ARHGAP8: variants seen among roughly 807,000 people sequenced by gnomAD.
ARHGAP8 encodes the protein Rho GTPase activating protein 8.
ARHGAP8 carries 62 observed loss-of-function variants against 46.1 expected under a neutral mutation model. That is an observed-to-expected ratio of 1.34 (90% confidence interval 1.10 to 1.66). The LOEUF is 1.66. Among genes scored for constraint, ARHGAP8 ranks in the 40% most tolerant of loss-of-function variants. ARHGAP8 has a pLI of 0.00. For missense variants in ARHGAP8, 923 were observed against 568.4 expected, an observed-to-expected ratio of 1.62 and a Z score of -6.34; for synonymous variants, 375 against 243.1, an observed-to-expected ratio of 1.54 and a Z score of -5.05.
chr22:44,852,326 C>A (rs1251160098), intron 10 of ARHGAP8, among the ~76,000 whole-genome samples: 1 of 151,570 alleles, frequency 6.6e-6, no homozygotes, highest in African/African-American at 2.4e-5. Context: ...TTCCTTTTGT[C>A]ATTCCGCCGT....
intron 7 of ARHGAP8, among the ~76,000 whole-genome samples, chr22:44,835,544 C>T (rs187373371): frequency 5.3e-5 from 8 of 152,264 alleles, no homozygotes; most frequent in Admixed American, 2.6e-4. Context: ...TCACTTGAAC[C>T]GGGGAGGCGG....
intron 7 of ARHGAP8, among the ~76,000 whole-genome samples, chr22:44,830,153 A>T (rs1930840554): frequency 2.0e-5 from 3 of 149,610 alleles, no homozygotes. Context: ...CCTCCCGAGT[A>T]GCTGGGACTG....
chr22:44,798,753 G>A (rs551267179), intron 2 of ARHGAP8, among the ~76,000 whole-genome samples: 8 of 152,194 alleles, frequency 5.3e-5, no homozygotes, highest in East Asian at 1.9e-4. Context: ...GAAATGTGGC[G>A]AGTGCCACTG....
intron 10 of ARHGAP8, among the ~76,000 whole-genome samples, chr22:44,853,511 T>C (rs891787902): frequency 4.6e-5 from 7 of 152,218 alleles, no homozygotes; most frequent in African/African-American, 9.6e-5. Flanking sequence ...GCCGTAGTTT[T>C]CCACGGGAGC....
rs138435022 is a variant in ARHGAP8 at position 44,820,034 on chromosome 22, C to T, written c.387-2337C>T. Among the ~76,000 whole-genome samples the T allele has an allele frequency of 2.9e-3, 438 of 152,292 alleles. 1 individual carries two copies. The highest frequency in any genetic ancestry group is 4.8e-3 in the Non-Finnish European group (327 of 68,030). The stretch of plus-strand genomic sequence containing the variant: ...GGGCAGCCACATAACCTCTCTGTTT[C>T]CCAAGTCCTCATTTGTAAATGAAGG... On this transcript the variant is annotated intron_variant, in intron 5 of 11. Coordinates refer to ENST00000356099, the MANE Select transcript of ARHGAP8 (RefSeq NM_181335.3).
At chr22:44,806,913 G>A (rs111747852) in intron 3 of ARHGAP8, among the ~76,000 whole-genome samples, 17,400 of 148,090 alleles carry the variant, frequency 0.12, 1,480 homozygotes, top group African/African-American at 0.24. Context: ...GCAGTGAGCC[G>A]AGATCACACC....
chr22:44,795,425 C>T lies in ARHGAP8; in HGVS notation c.80-6652C>T, dbSNP rs146238554. On this transcript the variant is annotated intron_variant, in intron 2 of 11. Transcript: ENST00000356099. ...CTGGCTGAACTGAGTCCAAGTTTCTCAGGTGGGAATTCATCATTACCTGCT... is the reference window on the plus strand; with the variant it reads ...CTGGCTGAACTGAGTCCAAGTTTCTTAGGTGGGAATTCATCATTACCTGCT... 4.2e-3 allele frequency among the ~76,000 whole-genome samples: 641 copies of T among 152,220 alleles called. 3 individuals carry two copies. Among genetic ancestry groups the T allele is most frequent in the African/African-American group, 0.015 (603 of 41,528 alleles).
intron 2 of ARHGAP8, among the ~76,000 whole-genome samples, chr22:44,796,412 C>T (rs1347182903): frequency 1.3e-5 from 2 of 151,988 alleles, no homozygotes; most frequent in Non-Finnish European, 2.9e-5. Flanking sequence ...GTCCCCAGTT[C>T]CCTCGAGGTA....
intron 4 of ARHGAP8, chr22:44,808,738 T>C (rs1478202774): frequency 1.9e-6 from 1 of 527,360 alleles, no homozygotes; most frequent in Non-Finnish European, 3.6e-6. Flanking sequence ...CCAAGGTGGG[T>C]GGATCACCTG....
chr22:44,860,975 C>G (rs1054880161), intron 11 of ARHGAP8, among the ~76,000 whole-genome samples: 3 of 146,586 alleles, frequency 2.0e-5, no homozygotes, highest in African/African-American at 7.5e-5. Flanking sequence ...GACATAATTT[C>G]TCAGAGGCCC....
rs539353514 is a variant in ARHGAP8 at position 44,804,683 on chromosome 22, G to A, written c.167+2519G>A. On this transcript the variant is annotated intron_variant, in intron 3 of 11. Transcript: ENST00000356099. ...CAGCATCTAACTGCTAAAGCCAAGG[G>A]ACTCAGGGAGTGGGCTCGACCTGGA... 9.3e-4 allele frequency among the ~76,000 whole-genome samples: 142 copies of A among 152,096 alleles called. 1 individual carries two copies. Among genetic ancestry groups the A allele is most frequent in the African/African-American group, 3.2e-3 (132 of 41,488 alleles).
At chr22:44,795,006 A>T (rs1927972908) in intron 2 of ARHGAP8, among the ~76,000 whole-genome samples, 1 of 149,204 alleles carries the variant, frequency 6.7e-6, no homozygotes, top group Non-Finnish European at 1.5e-5. Context: ...ATGCCACTGC[A>T]CTCCAGCCTG....
chr22:44,855,911 T>C (rs2070209074), intron 10 of ARHGAP8, among the ~76,000 whole-genome samples: 1 of 152,180 alleles, frequency 6.6e-6, no homozygotes, highest in South Asian at 2.1e-4. Flanking sequence ...GGAAGCACGG[T>C]GTTGGCATCT....
intron 9 of ARHGAP8, 38 bp from the exon 10 acceptor site, chr22:44,848,894 G>A (rs200308778): frequency 2.0e-5 from 32 of 1,611,134 alleles, no homozygotes; most frequent in Admixed American, 3.3e-5. Context: ...TGCCCAGGCC[G>A]GGGTGCAGAC....
At chr22:44,846,881 G>C (rs2147162856) in intron 8 of ARHGAP8, among the ~76,000 whole-genome samples, 1 of 152,218 alleles carries the variant, frequency 6.6e-6, no homozygotes, top group Non-Finnish European at 1.5e-5. Context: ...TGTTAGGGGG[G>C]TTGACCTTGT....
chr22:44,759,324 G>A (rs1023133017), intron 1 of ARHGAP8, among the ~76,000 whole-genome samples: 3 of 152,192 alleles, frequency 2.0e-5, no homozygotes, highest in Non-Finnish European at 2.9e-5. Context: ...ACTGATGAGG[G>A]CTGTGATGGA....
intron 2 of ARHGAP8, among the ~76,000 whole-genome samples, chr22:44,801,200 A>G (rs193055226): frequency 5.9e-4 from 15 of 25,402 alleles, no homozygotes; most frequent in East Asian, 3.2e-3. Context: ...GCAGCTGTCC[A>G]TGTGTGGGGG....
intron 7 of ARHGAP8, among the ~76,000 whole-genome samples, chr22:44,835,184 T>C (rs114125988): frequency 0.034 from 5,215 of 151,792 alleles, 139 homozygotes; most frequent in African/African-American, 0.069. Context: ...TCTTTTGTGT[T>C]AAATACATAC....
At chr22:44,775,651 T>C (rs932768177) in intron 1 of ARHGAP8, among the ~76,000 whole-genome samples, 22 of 152,120 alleles carry the variant, frequency 1.4e-4, no homozygotes, top group Non-Finnish European at 3.1e-4. Flanking sequence ...GGTTTCATCA[T>C]GTCGGCTGGG....
Sources: allele counts gnomAD v4.1 joint callset (sites outside exome capture counted in the v4.1 genomes callset), GRCh38; gene constraint gnomAD v4.1.1; transcripts MANE v1.5; gene names NCBI Gene and HGNC (gene_info 2026-07-23, HGNC 2026-07-21).